Variants in APOLD1 observed in about 807,000 individuals in gnomAD.
The protein encoded by APOLD1 is apolipoprotein L domain containing 1.
Under a neutral mutation model 15.3 loss-of-function variants are expected in APOLD1, and 22 were observed. The ratio of observed to expected loss-of-function variants is 1.44; its 90% CI spans 1.03 to 2.05. The LOEUF is 2.05. Ranked by LOEUF, APOLD1 falls within the 30% of genes most tolerant of loss-of-function variation. The pLI is 0.00. For missense variants in APOLD1, 394 were observed against 353.5 expected, an observed-to-expected ratio of 1.11 and a Z score of -0.92; for synonymous variants, 190 against 167.4, an observed-to-expected ratio of 1.13 and a Z score of -1.04.
At chr12:12,765,276 C>G (rs1946935188) in intron 1 of APOLD1, among the ~76,000 whole-genome samples, 1 of 152,126 alleles carries the variant, frequency 6.6e-6, no homozygotes, top group African/African-American at 2.4e-5. Flanking sequence ...TGGACTCGAA[C>G]TCCTGGGGTC....
chr12:12,770,173 G>A (rs1218799149), intron 1 of APOLD1, among the ~76,000 whole-genome samples: 1 of 152,090 alleles, frequency 6.6e-6, no homozygotes, highest in Non-Finnish European at 1.5e-5. Context: ...ACTTTGGGAG[G>A]CCGAGGCGGG....
At chr12:12,741,228 A>T (rs568705988) in intron 1 of APOLD1, among the ~76,000 whole-genome samples, 56 of 152,252 alleles carry the variant, frequency 3.7e-4, no homozygotes, top group Admixed American at 8.5e-4. Flanking sequence ...CATTTTAGAG[A>T]TAGGGTCTTG....
chr12:12,745,704 G>A (rs1946760416), intron 1 of APOLD1, among the ~76,000 whole-genome samples: 1 of 152,098 alleles, frequency 6.6e-6, no homozygotes, highest in Non-Finnish European at 1.5e-5. Flanking sequence ...TAGATTAGGT[G>A]TATTAAGTGC....
intron 1 of APOLD1, among the ~76,000 whole-genome samples, chr12:12,774,966 T>G (rs775598149): frequency 6.6e-6 from 1 of 152,326 alleles, no homozygotes. Context: ...CCCAAAGGAA[T>G]TGAAAACTTA....
At chr12:12,734,778 A>G (rs985402391) in intron 1 of APOLD1, among the ~76,000 whole-genome samples, 1 of 152,248 alleles carries the variant, frequency 6.6e-6, no homozygotes, top group African/African-American at 2.4e-5. Flanking sequence ...ATGGTTGCTT[A>G]GTAGTGCCAG....
upstream of APOLD1, among the ~76,000 whole-genome samples, chr12:12,784,254 A>G (rs376305639): frequency 4.4e-4 from 67 of 152,334 alleles, no homozygotes; most frequent in South Asian, 3.9e-3. Context: ...GGGAAGTTAG[A>G]GGAACATGTG....
intron 1 of APOLD1, among the ~76,000 whole-genome samples, chr12:12,748,386 C>G (rs1946781907): frequency 6.6e-6 from 1 of 152,218 alleles, no homozygotes; most frequent in Non-Finnish European, 1.5e-5. Context: ...GCTCAAGAAT[C>G]AGTCCCTCTA....
At chr12:12,754,516 C>T (rs1027988547) in intron 1 of APOLD1, among the ~76,000 whole-genome samples, 1 of 151,934 alleles carries the variant, frequency 6.6e-6, no homozygotes, top group Non-Finnish European at 1.5e-5. Flanking sequence ...GTGGCACAAT[C>T]TCGGCTCACT....
chr12:12,773,180 A>G (rs1592305901), intron 1 of APOLD1, among the ~76,000 whole-genome samples: 1 of 152,240 alleles, frequency 6.6e-6, no homozygotes, highest in African/African-American at 2.4e-5. Flanking sequence ...TTGAATGCGT[A>G]TATTTGAAAA....
At chr12:12,732,812 C>T (rs970487585) in intron 1 of APOLD1, among the ~76,000 whole-genome samples, 2 of 150,430 alleles carry the variant, frequency 1.3e-5, no homozygotes, top group Non-Finnish European at 3.0e-5. Flanking sequence ...AATAATCAGA[C>T]GTATGACTAA....
chr12:12,765,865 G>A (rs1946939940), intron 1 of APOLD1, among the ~76,000 whole-genome samples: 1 of 152,204 alleles, frequency 6.6e-6, no homozygotes, highest in Non-Finnish European at 1.5e-5. Flanking sequence ...GTGAGGTGCT[G>A]TCTCAAAAAC....
intron 1 of APOLD1, among the ~76,000 whole-genome samples, chr12:12,749,218 T>C (rs1019757373): frequency 6.6e-6 from 1 of 152,064 alleles, no homozygotes; most frequent in African/African-American, 2.4e-5. Flanking sequence ...ATGGCTGGGA[T>C]AGAGCCAGTG....
intron 1 of APOLD1, among the ~76,000 whole-genome samples, chr12:12,751,996 C>T (rs527538037): frequency 1.1e-4 from 17 of 152,218 alleles, no homozygotes; most frequent in African/African-American, 3.4e-4. Context: ...ATTCTCCCCT[C>T]AGAGGCTTCA....
At chr12:12,770,945 G>A (rs554430467) in intron 1 of APOLD1, among the ~76,000 whole-genome samples, 1 of 152,158 alleles carries the variant, frequency 6.6e-6, no homozygotes, top group East Asian at 1.9e-4. Flanking sequence ...GAAGAGAGTG[G>A]AGTCAAATAT....
At chr12:12,784,523 G>C (rs1592310546), upstream of APOLD1, among the ~76,000 whole-genome samples, 1 of 152,228 alleles carries the variant, frequency 6.6e-6, no homozygotes, top group Non-Finnish European at 1.5e-5. Flanking sequence ...TGTTGCTACT[G>C]TTGTTATACT....
chr12:12,781,889 C>G (rs968615323), upstream of APOLD1, among the ~76,000 whole-genome samples: 4 of 151,914 alleles, frequency 2.6e-5, no homozygotes, highest in African/African-American at 9.7e-5. Context: ...TTGTTGATAA[C>G]TGTATAAACA....
chr12:12,735,226 AAAAC>A (rs907338605), intron 1 of APOLD1, among the ~76,000 whole-genome samples: 2 of 152,004 alleles, frequency 1.3e-5, no homozygotes, highest in African/African-American at 2.4e-5. Flanking sequence ...CCCCATCTCT[AAAAC>A]AAACAAACAA....
At chr12:12,763,952 A>AT (rs1187506117) in intron 1 of APOLD1, among the ~76,000 whole-genome samples, 1 of 151,680 alleles carries the variant, frequency 6.6e-6, no homozygotes, top group Non-Finnish European at 1.5e-5. Flanking sequence ...ATAGCACATT[A>AT]TTTTTATTTA....
chr12:12,777,337 G>A (rs1405455572), intron 1 of APOLD1, among the ~76,000 whole-genome samples: 1 of 152,056 alleles, frequency 6.6e-6, no homozygotes, highest in Non-Finnish European at 1.5e-5. Context: ...GGAAAGAGTG[G>A]TTGGTCAGTT....
Sources: gnomAD v4.1 joint callset for allele counts (sites outside exome capture counted in the v4.1 genomes callset) on GRCh38, gnomAD v4.1.1 for gene constraint, MANE v1.5 for transcripts, NCBI Gene and HGNC (gene_info 2026-07-23, HGNC 2026-07-21) for gene names.